SHANK2: variants seen among roughly 807,000 people sequenced by gnomAD.
SHANK2 encodes SH3 and multiple ankyrin repeat domains protein 2.
SHANK2 carries 43 observed loss-of-function variants against 133.7 expected under a neutral mutation model. The ratio of observed to expected loss-of-function variants is 0.32; its 90% CI spans 0.25 to 0.41. The LOEUF is 0.41. SHANK2 is among the 10% of genes least tolerant of loss of function. The pLI is 1.00. For missense variants in SHANK2, 1,994 were observed against 2,235.8 expected (o/e 0.89, Z 2.18); for synonymous variants, 1,017 against 952.8 (o/e 1.07, Z -1.24).
At chr11:70,811,606 CTCA>C (rs1209724943) in intron 12 of SHANK2, among the ~76,000 whole-genome samples, 2 of 151,100 alleles carry the variant, frequency 1.3e-5, no homozygotes, top group African/African-American at 2.4e-5. Context: ...CATCCATCCA[CTCA>C]TCATCTACCT....
chr11:70,624,876 A>G (rs782148459), intron 17 of SHANK2, among the ~76,000 whole-genome samples: 2 of 152,186 alleles, frequency 1.3e-5, no homozygotes, highest in Non-Finnish European at 2.9e-5. Flanking sequence ...CCTGGTCTCT[A>G]TCGGCTCCCT....
intron 3 of SHANK2, 70 bp downstream of exon 3, chr11:71,147,029 GGGTCCGGGGAGGACCAGAGCA>G (rs1171255255): frequency 4.8e-5 from 52 of 1,091,848 alleles, no homozygotes; most frequent in South Asian, 2.1e-4. Context: ...TCAGGACCGT[GGGTCCGGGGAGGACCAGAGCA>G]GGCCTCTGGC....
chr11:71,124,684 G>A (rs1407177340), intron 3 of SHANK2, among the ~76,000 whole-genome samples: 1 of 152,050 alleles, frequency 6.6e-6, no homozygotes, highest in Non-Finnish European at 1.5e-5. Context: ...CCCATCTCCC[G>A]AGTTCTTGCT....
intron 17 of SHANK2, among the ~76,000 whole-genome samples, chr11:70,619,104 C>A (rs1311030246): frequency 6.6e-6 from 1 of 152,228 alleles, no homozygotes; most frequent in Non-Finnish European, 1.5e-5. Flanking sequence ...CCCAGCCCAG[C>A]CTGTGACACT....
chr11:71,244,213 G>T (rs1954930748), intron 1 of SHANK2, among the ~76,000 whole-genome samples: 1 of 152,202 alleles, frequency 6.6e-6, no homozygotes, highest in Admixed American at 6.5e-5. Flanking sequence ...TGACCCCACA[G>T]CCTGGAAGGT....
chr11:70,513,267 C>CAGAAAA (rs1345480134), intron 17 of SHANK2, among the ~76,000 whole-genome samples: 182 of 152,088 alleles, frequency 1.2e-3, no homozygotes, highest in African/African-American at 4.2e-3. Flanking sequence ...GGGAGAACTC[C>CAGAAAA]AGAAAAGAGA....
At chr11:70,955,040 T>C (rs1950898051) in intron 10 of SHANK2, among the ~76,000 whole-genome samples, 1 of 152,224 alleles carries the variant, frequency 6.6e-6, no homozygotes, top group Admixed American at 6.5e-5. Context: ...CAGAAAGACA[T>C]CCACATCAAG....
intron 17 of SHANK2, among the ~76,000 whole-genome samples, chr11:70,617,425 C>T (rs1369209886): frequency 6.6e-6 from 1 of 152,184 alleles, no homozygotes; most frequent in African/African-American, 2.4e-5. Context: ...GGCCAGAGTT[C>T]ACCCAGCCCT....
chr11:71,246,373 G>A (rs190843461), intron 1 of SHANK2, among the ~76,000 whole-genome samples: 1 of 152,202 alleles, frequency 6.6e-6, no homozygotes, highest in East Asian at 1.9e-4. Context: ...ATGAGCCGGA[G>A]TGAGGAAGAC....
intron 11 of SHANK2, among the ~76,000 whole-genome samples, chr11:70,869,174 C>A (rs1949418927): frequency 6.6e-6 from 1 of 152,172 alleles, no homozygotes; most frequent in Non-Finnish European, 1.5e-5. Context: ...TCCGGAGGAA[C>A]CAGTCCAGAG....
intron 15 of SHANK2, among the ~76,000 whole-genome samples, chr11:70,680,337 C>T (rs1398276668): frequency 1.6e-4 from 24 of 152,242 alleles, no homozygotes; most frequent in Admixed American, 1.2e-3. Flanking sequence ...TCTGGGGGTC[C>T]GAGGTCTCAC....
At chr11:71,231,104 A>T (rs1359921730) in intron 1 of SHANK2, among the ~76,000 whole-genome samples, 1 of 152,238 alleles carries the variant, frequency 6.6e-6, no homozygotes, top group Non-Finnish European at 1.5e-5. Context: ...GCTCTGAAAG[A>T]CCTGCTGAAA....
chr11:70,808,561 C>A (rs1444821414), intron 12 of SHANK2, among the ~76,000 whole-genome samples: 401 of 92,888 alleles, frequency 4.3e-3, no homozygotes, highest in Middle Eastern at 7.1e-3. Context: ...CCTATTTCTA[C>A]AAAAAAAAAA....
chr11:70,784,263 G>C (rs908345896), intron 14 of SHANK2, among the ~76,000 whole-genome samples: 1 of 144,760 alleles, frequency 6.9e-6, no homozygotes, highest in Non-Finnish European at 1.5e-5. Context: ...TGCAACCTCC[G>C]CCTCCCAGGT....
intron 14 of SHANK2, among the ~76,000 whole-genome samples, chr11:70,736,296 G>T (rs1210052029): frequency 3.9e-5 from 6 of 152,178 alleles, no homozygotes; most frequent in Admixed American, 3.9e-4. Context: ...TGTGGGCGGG[G>T]TGAGTGCTGG....
At chr11:70,554,397 G>A (rs1464740233) in intron 17 of SHANK2, among the ~76,000 whole-genome samples, 1 of 152,184 alleles carries the variant, frequency 6.6e-6, no homozygotes, top group Non-Finnish European at 1.5e-5. Context: ...CGGATAATGG[G>A]TTCCCCTTGT....
At position 70,804,907 on chromosome 11, in the gene SHANK2, T is replaced by C. The variant is rs1291089173; in HGVS notation, c.1663+2095A>G. The stretch of plus-strand genomic sequence containing the variant: ...AGCTCCTGCTCATCCATGCTGCTAC[T>C]CAGGGTCCCCTCTAAGGGACTCTCA... On this transcript the variant is annotated intron_variant, in intron 13 of 25. Coordinates refer to ENST00000601538, the MANE Select transcript of SHANK2 (RefSeq NM_012309.5). This position sits in a 1 kb window ranked among gnomAD's most constrained non-coding sequence, Gnocchi z 4.1. Among the ~76,000 whole-genome samples the C allele has an allele frequency of 2.6e-5, 4 of 152,186 alleles. No individual in the cohort carries two copies. The highest frequency in any genetic ancestry group is 9.7e-5 in the African/African-American group (4 of 41,450).
chr11:70,609,112 A>G (rs1554993416), intron 17 of SHANK2, among the ~76,000 whole-genome samples: 1 of 152,054 alleles, frequency 6.6e-6, no homozygotes, highest in African/African-American at 2.4e-5. Flanking sequence ...TTGTTCACGG[A>G]CCTGTGGCAC....
intron 14 of SHANK2, among the ~76,000 whole-genome samples, chr11:70,701,748 G>T (rs1486034881): frequency 6.6e-6 from 1 of 152,094 alleles, no homozygotes; most frequent in Non-Finnish European, 1.5e-5. Context: ...ACTGCTTCAT[G>T]CAGGAATCCC....
Sources: gnomAD v4.1 joint callset for allele counts (sites outside exome capture counted in the v4.1 genomes callset) on GRCh38, gnomAD v4.1.1 for gene constraint, Gnocchi (gnomAD v3.1) non-coding constraint, MANE v1.5 for transcripts, NCBI Gene and HGNC (gene_info 2026-07-23, HGNC 2026-07-21) for gene names.